Variants in RGS6 observed in about 807,000 individuals in gnomAD.
The protein encoded by RGS6 is regulator of G protein signaling 6.
RGS6 carries 30 observed loss-of-function variants against 78.5 expected under a neutral mutation model. That is an observed-to-expected ratio of 0.38 (90% confidence interval 0.29 to 0.52). The LOEUF (loss-of-function observed/expected upper bound fraction) is 0.52, where lower values mean the gene tolerates loss of function less well. RGS6 is among the 20% of genes least tolerant of loss of function. The pLI, the probability that RGS6 is intolerant of heterozygous loss-of-function variation, is 0.85. For missense variants in RGS6, 495 were observed against 609.7 expected (o/e 0.81, Z 1.98); for synonymous variants, 206 against 206.0 (o/e 1.00, Z 0.00).
At chr14:72,579,055 G>C in the RGS6 span, among the ~76,000 whole-genome samples, 1 of 152,152 alleles carries the variant, frequency 6.6e-6, no homozygotes, top group African/African-American at 2.4e-5. Context: ...CTCACCTCTA[G>C]CTACTCCTTC....
At chr14:72,356,540 G>A (rs987497459) in intron 3 of RGS6, among the ~76,000 whole-genome samples, 3 of 152,088 alleles carry the variant, frequency 2.0e-5, no homozygotes, top group African/African-American at 4.8e-5. Context: ...AGTCAGATTC[G>A]GATTCAAGTC....
intron 3 of RGS6, among the ~76,000 whole-genome samples, chr14:72,443,924 G>A (rs1262509971): frequency 6.6e-6 from 1 of 152,152 alleles, no homozygotes; most frequent in South Asian, 2.1e-4. Context: ...CAGTGGCAAC[G>A]ATCCTCCATC....
At chr14:72,378,280 T>G (rs1176699225) in intron 3 of RGS6, among the ~76,000 whole-genome samples, 2 of 152,080 alleles carry the variant, frequency 1.3e-5, no homozygotes, top group Non-Finnish European at 1.5e-5. Flanking sequence ...ATCATCAACT[T>G]GAGATGCATC....
At chr14:72,280,311 A>G (rs2061366728) in intron 2 of RGS6, among the ~76,000 whole-genome samples, 1 of 152,232 alleles carries the variant, frequency 6.6e-6, no homozygotes, top group African/African-American at 2.4e-5. Context: ...GCAATCAACA[A>G]GGCTTGTTTT....
intron 8 of RGS6, among the ~76,000 whole-genome samples, chr14:72,472,182 A>G (rs1012104149): frequency 6.7e-6 from 1 of 149,956 alleles, no homozygotes; most frequent in African/African-American, 2.5e-5. Flanking sequence ...GAAAAAAAAA[A>G]AAAGAAAGAA....
intron 2 of RGS6, among the ~76,000 whole-genome samples, chr14:72,186,556 A>T (rs1402594317): frequency 6.6e-6 from 1 of 152,110 alleles, no homozygotes; most frequent in African/African-American, 2.4e-5. Flanking sequence ...TGCTGAGGTG[A>T]CCTATTTCTG....
chr14:72,343,676 C>A (rs2247090), intron 2 of RGS6, among the ~76,000 whole-genome samples: 1 of 152,004 alleles, frequency 6.6e-6, no homozygotes, highest in African/African-American at 2.4e-5. Context: ...TAGGTGAGCC[C>A]GGGCCACCCT....
intron 13 of RGS6, among the ~76,000 whole-genome samples, chr14:72,509,355 A>C (rs758266804): frequency 2.3e-4 from 33 of 140,764 alleles, no homozygotes; most frequent in Non-Finnish European, 4.3e-4. Context: ...GCAAAGTGAG[A>C]CTCCATCTCA....
chr14:72,152,526 C>CTGTG (rs1170744483), intron 2 of RGS6, among the ~76,000 whole-genome samples: 1 of 152,132 alleles, frequency 6.6e-6, no homozygotes, highest in Admixed American at 6.6e-5. Flanking sequence ...TTCTGGCTTC[C>CTGTG]TGTGGGGCTG....
At chr14:72,275,639 A>T (rs1452464513) in intron 2 of RGS6, among the ~76,000 whole-genome samples, 4 of 152,206 alleles carry the variant, frequency 2.6e-5, no homozygotes, top group Admixed American at 2.6e-4. Context: ...ATCTATTGGC[A>T]TAAAACATTC....
intron 2 of RGS6, among the ~76,000 whole-genome samples, chr14:72,268,767 C>T (rs1027228412): frequency 2.6e-5 from 4 of 152,088 alleles, no homozygotes; most frequent in South Asian, 2.1e-4. Flanking sequence ...GGTACCATCC[C>T]GCCCCATAAG....
At chr14:72,164,320 C>G (rs2096895039) in intron 2 of RGS6, among the ~76,000 whole-genome samples, 1 of 152,168 alleles carries the variant, frequency 6.6e-6, no homozygotes, top group African/African-American at 2.4e-5. Context: ...CTTTGATTTG[C>G]AGGTTGCTTG....
intron 1 of RGS6, among the ~76,000 whole-genome samples, chr14:71,947,517 C>A (rs1228522330): frequency 2.0e-5 from 3 of 152,184 alleles, no homozygotes; most frequent in Non-Finnish European, 4.4e-5. Flanking sequence ...CAGGGTCTCA[C>A]TCTGTTGCCC....
chr14:72,402,015 C>G (rs2092451376), intron 3 of RGS6, among the ~76,000 whole-genome samples: 1 of 152,196 alleles, frequency 6.6e-6, no homozygotes, highest in South Asian at 2.1e-4. Context: ...TGGGAGTAAT[C>G]TGGGGGGAAG....
chr14:72,321,458 T>G (rs1043055671), intron 2 of RGS6, among the ~76,000 whole-genome samples: 1 of 151,918 alleles, frequency 6.6e-6, no homozygotes, highest in African/African-American at 2.4e-5. Context: ...CTATACCCCA[T>G]ATATACCTAA....
At chr14:72,154,989 C>T (rs897379778) in intron 2 of RGS6, among the ~76,000 whole-genome samples, 20 of 152,240 alleles carry the variant, frequency 1.3e-4, no homozygotes, top group African/African-American at 4.1e-4. Context: ...GAATTCAGTC[C>T]TCCGTATGAA....
intron 2 of RGS6, among the ~76,000 whole-genome samples, chr14:72,139,429 AC>A (rs1598264215): frequency 6.6e-6 from 1 of 152,208 alleles, no homozygotes; most frequent in Non-Finnish European, 1.5e-5. Context: ...ACTGGGCACA[AC>A]CCACTTTCTG....
chr14:72,199,962 A>G (rs1409465456), intron 2 of RGS6, among the ~76,000 whole-genome samples: 2 of 152,216 alleles, frequency 1.3e-5, no homozygotes, highest in Non-Finnish European at 1.5e-5. Flanking sequence ...TAGAGATCCT[A>G]TGGCTTGCAG....
At chr14:72,420,490 T>C (rs375715982) in intron 3 of RGS6, among the ~76,000 whole-genome samples, 18 of 152,194 alleles carry the variant, frequency 1.2e-4, no homozygotes, top group African/African-American at 2.7e-4. Context: ...ATTTGTGAGG[T>C]CTGGTATAGT....
Sources: gnomAD v4.1 joint callset for allele counts (sites outside exome capture counted in the v4.1 genomes callset) on GRCh38, gnomAD v4.1.1 for gene constraint, MANE v1.5 for transcripts, NCBI Gene and HGNC (gene_info 2026-07-23, HGNC 2026-07-21) for gene names.